PAPPA: variants seen among roughly 807,000 people sequenced by gnomAD.
PAPPA encodes the protein pappalysin-1.
Under a neutral mutation model 164.0 loss-of-function variants are expected in PAPPA, and 60 were observed. The observed-to-expected ratio is 0.37, with a 90% confidence interval of 0.30 to 0.45. The LOEUF is 0.45. PAPPA is among the 20% of genes least tolerant of loss of function. The probability of loss-of-function intolerance (pLI) is 1.00; values close to 1 mark genes in which losing one functional copy is unlikely to be tolerated. For synonymous variants in PAPPA, 875 were observed against 814.1 expected (o/e 1.07, Z -1.27); for missense variants, 1,782 against 2,087.3 (o/e 0.85, Z 2.85).
At chr9:116,374,001 G>A (rs556114301) in intron 19 of PAPPA, among the ~76,000 whole-genome samples, 3 of 151,710 alleles carry the variant, frequency 2.0e-5, no homozygotes, top group South Asian at 2.1e-4. Context: ...ATTTTGTGCC[G>A]ATGAGGATGA....
chr9:116,234,817 A>T (rs1306959392), intron 6 of PAPPA, among the ~76,000 whole-genome samples: 1 of 152,178 alleles, frequency 6.6e-6, no homozygotes, highest in East Asian at 1.9e-4. Context: ...GCCAATATGT[A>T]CCCTTTACTT....
intron 13 of PAPPA, among the ~76,000 whole-genome samples, chr9:116,338,312 G>A (rs774020368): frequency 1.3e-5 from 2 of 152,006 alleles, no homozygotes; most frequent in South Asian, 2.1e-4. Context: ...GGTCCATTCA[G>A]AGAGAGACAG....
At chr9:116,245,114 A>G (rs964804819) in intron 7 of PAPPA, among the ~76,000 whole-genome samples, 4 of 151,744 alleles carry the variant, frequency 2.6e-5, no homozygotes, top group Non-Finnish European at 1.5e-5. Flanking sequence ...ATGTGTACAC[A>G]TAGACATAGA....
chr9:116,375,673 TTGGGG>T (rs1846639664), intron 19 of PAPPA, among the ~76,000 whole-genome samples: 1 of 152,214 alleles, frequency 6.6e-6, no homozygotes, highest in Non-Finnish European at 1.5e-5. Context: ...CAATCCAGTC[TTGGGG>T]TCACCTGATT....
At chr9:116,366,724 A>C (rs1201429004) in intron 18 of PAPPA, among the ~76,000 whole-genome samples, 1 of 152,168 alleles carries the variant, frequency 6.6e-6, no homozygotes, top group East Asian at 1.9e-4. Context: ...TCCAGCAGGG[A>C]AGAGAGCTAT....
rs138989935 is a variant in PAPPA at position 116,335,163 on chromosome 9, T to C, written c.3611+89T>C. ...GAAGCTGGGTAGCCATTTGTGTGGA[T>C]GTAAAAAGTCTGTGCATTTCTCCCT... On this transcript the variant is annotated intron_variant, in intron 13 of 21. Transcript: ENST00000328252. 224 of 1,101,868 alleles carry C rather than the reference T, an allele frequency of 2.0e-4. 3 individuals carry two copies. The African/African-American group carries it at 2.8e-3, about 14-fold the overall frequency. The allele number at this position is 1,101,868 out of a possible 1,614,324, so 68.3% of individuals were successfully genotyped here.
chr9:116,388,160 G>A (rs117142498), intron 21 of PAPPA, among the ~76,000 whole-genome samples: 3,936 of 152,236 alleles, frequency 0.026, 68 homozygotes, highest in Non-Finnish European at 0.035. Context: ...AGAGCAAGAC[G>A]GTGCAGGAAA....
chr9:116,214,857 T>C (rs542942713), intron 4 of PAPPA, among the ~76,000 whole-genome samples: 20 of 152,264 alleles, frequency 1.3e-4, no homozygotes, highest in African/African-American at 4.8e-4. Context: ...CACACATAGA[T>C]TGACCCAGCA....
intron 6 of PAPPA, among the ~76,000 whole-genome samples, chr9:116,230,268 G>A (rs1427012259): frequency 1.3e-5 from 2 of 152,104 alleles, no homozygotes; most frequent in Admixed American, 6.5e-5. Flanking sequence ...ACTTTTCCAT[G>A]AGCCAAACTC....
intron 2 of PAPPA, among the ~76,000 whole-genome samples, chr9:116,198,427 A>C (rs553667912): frequency 2.3e-4 from 35 of 152,354 alleles, no homozygotes; most frequent in African/African-American, 8.2e-4. Flanking sequence ...TAGTTTGTGC[A>C]TGAGTGTGTG....
intron 9 of PAPPA, chr9:116,288,737 C>T (rs1015395738): frequency 6.6e-6 from 1 of 151,996 alleles, no homozygotes; most frequent in African/African-American, 2.4e-5. Context: ...TGTGTCTCAC[C>T]AGCTTGGAGA....
chr9:116,234,060 G>A (rs941278770), intron 6 of PAPPA, among the ~76,000 whole-genome samples: 11 of 152,080 alleles, frequency 7.2e-5, no homozygotes, highest in Admixed American at 6.6e-4. Context: ...AAGGTGTCTA[G>A]TTGGGCAACT....
Position 116,235,448 on chromosome 9 carries a change from A to C in PAPPA, c.2543A>C (p.Glu848Ala). 1 of 1,613,616 alleles carries C rather than the reference A, an allele frequency of 6.2e-7. No homozygotes were observed. The highest frequency in any genetic ancestry group is 1.1e-5 in the South Asian group (1 of 91,012). ...PLTIRLWDVG[E>A]EVYGIQIYTL... The stretch of plus-strand genomic sequence containing the variant: ...ACCATCAGACTCTGGGACGTGGGCG[A>C]GGAGGTGTATGGCATCCAAATCTAC... The change falls in exon 7 of 22, where the codon GAG (glutamate) becomes GCG (alanine). Residue 848 changes from glutamate to alanine, a missense_variant. By Grantham distance (107) the Glu-to-Ala change is moderately radical. This residue lies in a region of PAPPA where 1,324 missense variants were observed against 1,656.9 expected (regional missense o/e 0.80). Coordinates refer to ENST00000328252, the MANE Select transcript of PAPPA (RefSeq NM_002581.5).
chr9:116,228,399 C>T (rs1394889230), intron 6 of PAPPA, among the ~76,000 whole-genome samples: 1 of 152,106 alleles, frequency 6.6e-6, no homozygotes, highest in Non-Finnish European at 1.5e-5. Flanking sequence ...GGTGAGGACA[C>T]TATTACACCA....
chr9:116,296,367 G>A (rs755538320), intron 9 of PAPPA, among the ~76,000 whole-genome samples: 1 of 152,150 alleles, frequency 6.6e-6, no homozygotes, highest in Non-Finnish European at 1.5e-5. Context: ...AGATAAATCC[G>A]TTGTTACCTT....
At chr9:116,360,501 T>C (rs951741941) in intron 17 of PAPPA, among the ~76,000 whole-genome samples, 2 of 152,154 alleles carry the variant, frequency 1.3e-5, no homozygotes, top group Admixed American at 1.3e-4. Context: ...TGCAGCTGTT[T>C]TCTCACATAG....
At chr9:116,393,831 A>C (rs1375055939) in intron 21 of PAPPA, among the ~76,000 whole-genome samples, 1 of 152,200 alleles carries the variant, frequency 6.6e-6, no homozygotes, top group Admixed American at 6.5e-5. Flanking sequence ...TAAATAAAGA[A>C]GCCACTGAGA....
chr9:116,164,122 C>T (rs1033322789), intron 1 of PAPPA, among the ~76,000 whole-genome samples: 3 of 152,102 alleles, frequency 2.0e-5, no homozygotes, highest in Admixed American at 6.5e-5. Flanking sequence ...AATAGACCAC[C>T]GGCCTTGTAG....
intron 17 of PAPPA, among the ~76,000 whole-genome samples, chr9:116,356,043 T>C (rs147735485): frequency 1.8e-4 from 27 of 152,330 alleles, no homozygotes; most frequent in African/African-American, 6.0e-4. Flanking sequence ...GCAGGGATTC[T>C]TTGCTTTCCA....
Sources: gnomAD v4.1 joint callset for allele counts (sites outside exome capture counted in the v4.1 genomes callset) on GRCh38, gnomAD v4.1.1 for gene constraint, gnomAD v4.1.1 regional missense constraint, MANE v1.5 for transcripts, NCBI Gene and HGNC (gene_info 2026-07-23, HGNC 2026-07-21) for gene names.